Variants in TMEM209 observed in about 807,000 individuals in gnomAD.
TMEM209 encodes the protein testicular tissue protein Li 202.
TMEM209 carries 65 observed loss-of-function variants against 76.2 expected under a neutral mutation model. That is an observed-to-expected ratio of 0.85 (90% CI 0.70 to 1.05). The LOEUF (loss-of-function observed/expected upper bound fraction) is 1.05, where lower values mean the gene tolerates loss of function less well. Ranked by LOEUF, TMEM209 falls within the 50% of genes least tolerant of loss-of-function variation. TMEM209 has a pLI of 0.00. For synonymous variants in TMEM209, 239 were observed against 237.6 expected, an observed-to-expected ratio of 1.01 and a Z score of -0.06; for missense variants, 623 against 685.5, an observed-to-expected ratio of 0.91 and a Z score of 1.02.
chr7:130,199,257 C>T (rs149633257), intron 5 of TMEM209, among the ~76,000 whole-genome samples: 56 of 151,010 alleles, frequency 3.7e-4, no homozygotes, highest in Admixed American at 7.9e-4. Flanking sequence ...CTTGCTGTGT[C>T]GCCCAGGCTG....
At chr7:130,176,083 C>A (rs1480526986) in intron 10 of TMEM209, among the ~76,000 whole-genome samples, 1 of 150,662 alleles carries the variant, frequency 6.6e-6, no homozygotes, top group Non-Finnish European at 1.5e-5. Flanking sequence ...TTCTAACTAT[C>A]CAATCTAGAA....
intron 6 of TMEM209, chr7:130,192,229 AGTAAATACAT>A (rs1797821269): frequency 5.5e-6 from 1 of 180,236 alleles, no homozygotes; most frequent in African/African-American, 2.4e-5. Flanking sequence ...GCGCTTCTCG[AGTAAATACAT>A]GTTCTCTCTT....
intron 5 of TMEM209, among the ~76,000 whole-genome samples, chr7:130,195,687 C>A (rs1432478696): frequency 1.3e-5 from 2 of 150,600 alleles, no homozygotes; most frequent in Admixed American, 1.3e-4. Context: ...TAATTTACAA[C>A]TTTCACATTG....
intron 5 of TMEM209, among the ~76,000 whole-genome samples, chr7:130,194,107 G>A (rs1343556580): frequency 1.3e-5 from 2 of 151,740 alleles, no homozygotes; most frequent in Non-Finnish European, 2.9e-5. Flanking sequence ...GCTGAGGCAG[G>A]AGAATGGCAG....
In TMEM209 at chr7:130,173,741, G is replaced by A; in HGVS notation, c.1460-12C>T. 6.2e-7 allele frequency: 1 copy of A among 1,611,824 alleles called. No homozygotes were observed. ...CTCATTTGTAACATCTGTAAAGGAAGGCAATATGCTGCATTAAAAAACCAA... is the reference window on the plus strand; with the variant it reads ...CTCATTTGTAACATCTGTAAAGGAAAGCAATATGCTGCATTAAAAAACCAA... On this transcript the variant is annotated splice_polypyrimidine_tract_variant and intron_variant, in intron 12 of 14. Coordinates refer to ENST00000397622, the MANE Select transcript of TMEM209 (RefSeq NM_032842.4).
chr7:130,181,662 G>A lies in TMEM209; in HGVS notation c.1081C>T (p.Gln361Ter). ...LVQEIESVST[Q>*]MRRMGCPELQ... ...TCTGGACAACCCATTCGTCTCATCTGTGTGCTGACAGACTCAATCTCTTGA... is the reference window on the plus strand; with the variant it reads ...TCTGGACAACCCATTCGTCTCATCTATGTGCTGACAGACTCAATCTCTTGA... Residue 361 changes from glutamine to a stop codon, truncating the protein, a stop_gained, in exon 9 of 15, where the codon CAG (glutamine) becomes TAG (stop). Coordinates refer to ENST00000397622, the MANE Select transcript of TMEM209 (RefSeq NM_032842.4). LOFTEE classifies it high-confidence loss of function. The A allele has an allele frequency of 6.2e-7, 1 of 1,612,610 alleles. No homozygotes were observed. The highest frequency in any genetic ancestry group is 8.5e-7 in the Non-Finnish European group (1 of 1,179,382).
chr7:130,175,946 G>T (rs912109987), intron 10 of TMEM209, among the ~76,000 whole-genome samples: 6 of 151,986 alleles, frequency 3.9e-5, no homozygotes, highest in Non-Finnish European at 8.8e-5. Flanking sequence ...TTAGGAGAAT[G>T]TTCTTACTTT....
At chr7:130,204,548 G>T (rs1798357903) in intron 1 of TMEM209, among the ~76,000 whole-genome samples, 1 of 152,128 alleles carries the variant, frequency 6.6e-6, no homozygotes, top group South Asian at 2.1e-4. Flanking sequence ...CAACATTTTG[G>T]CCAGGCTGGT....
intron 1 of TMEM209, chr7:130,205,127 G>A (rs1048177645): frequency 1.4e-6 from 2 of 1,446,274 alleles, no homozygotes; most frequent in African/African-American, 1.4e-5. Context: ...TCCCACAGAG[G>A]ACAGAGCAAT....
At chr7:130,198,570 C>T (rs1299426399) in intron 5 of TMEM209, among the ~76,000 whole-genome samples, 3 of 152,158 alleles carry the variant, frequency 2.0e-5, no homozygotes, top group East Asian at 1.9e-4. Flanking sequence ...GAGATCACAC[C>T]ACTGCACTCC....
In TMEM209 at chr7:130,201,971, C is replaced by G. The variant is rs1192855369; in HGVS notation, c.452G>C (p.Ser151Thr). ...CATACAGCTGGTGGTGAACTTGGGA[C>G]TGGTACTGGGCGAACGAGAAGGGCT... ...SYSPSRSPST[S>T]PKFTTSCMTG... Residue 151 changes from serine (S) to threonine (T), a missense_variant, in exon 5 of 15, where the codon AGT becomes ACT. Coordinates refer to ENST00000397622, the MANE Select transcript of TMEM209 (RefSeq NM_032842.4). 6.2e-7 allele frequency: 1 copy of G among 1,613,818 alleles called. No homozygotes were observed.
chr7:130,181,838 A>C (rs1797430759), intron 8 of TMEM209, 119 bp from the exon 9 acceptor site: 1 of 702,698 alleles, frequency 1.4e-6, no homozygotes, highest in African/African-American at 1.8e-5. Context: ...TTGAATATTA[A>C]AAGAATCATA....
At chr7:130,168,890 AT>A (rs1219625178) in intron 14 of TMEM209, among the ~76,000 whole-genome samples, 1 of 152,218 alleles carries the variant, frequency 6.6e-6, no homozygotes, top group Non-Finnish European at 1.5e-5. Flanking sequence ...GTTAGTTTAG[AT>A]GCCTCAATAA....
chr7:130,183,588 A>C (rs971061659), intron 8 of TMEM209, among the ~76,000 whole-genome samples: 2 of 152,222 alleles, frequency 1.3e-5, no homozygotes, highest in Non-Finnish European at 2.9e-5. Context: ...TTCAGAGCTA[A>C]GTGGAGCTCC....
chr7:130,198,525 C>T (rs1020256076), intron 5 of TMEM209, among the ~76,000 whole-genome samples: 1 of 151,998 alleles, frequency 6.6e-6, no homozygotes, highest in African/African-American at 2.4e-5. Flanking sequence ...GCAGGAGAAT[C>T]CCTTCAACCC....
intron 13 of TMEM209, among the ~76,000 whole-genome samples, chr7:130,171,261 C>A (rs1485968308): frequency 6.6e-6 from 1 of 152,124 alleles, no homozygotes; most frequent in African/African-American, 2.4e-5. Context: ...ATACAAATAA[C>A]ATATTAAATA....
At chr7:130,181,480 TAA>T in intron 9 of TMEM209, 141 bp downstream of exon 9, 2 of 630,178 alleles carry the variant, frequency 3.2e-6, no homozygotes, top group Non-Finnish European at 5.5e-6. Context: ...GCTGTCACGT[TAA>T]AAAAAAATCA....
chr7:130,172,293 G>A (rs1797095174), intron 13 of TMEM209, among the ~76,000 whole-genome samples: 1 of 152,130 alleles, frequency 6.6e-6, no homozygotes, highest in Non-Finnish European at 1.5e-5. Flanking sequence ...CTAAAGAAAT[G>A]CAGATAGCTG....
At chr7:130,203,527 C>A (rs57796671) in intron 3 of TMEM209, among the ~76,000 whole-genome samples, 2 of 152,120 alleles carry the variant, frequency 1.3e-5, no homozygotes. Flanking sequence ...GTAATAAAAA[C>A]AAATCTCACT....
Sources: allele counts gnomAD v4.1 joint callset (sites outside exome capture counted in the v4.1 genomes callset), GRCh38; gene constraint gnomAD v4.1.1; transcripts MANE v1.5; gene names NCBI Gene and HGNC (gene_info 2026-07-23, HGNC 2026-07-21).